The following USP2 variants were observed in gnomAD, a reference collection of about 807,000 sequenced individuals.
The protein encoded by USP2 is ubiquitin carboxyl-terminal hydrolase 2.
In USP2, 33 loss-of-function variants were observed where a neutral mutation model predicts 72.0. That is an observed-to-expected ratio of 0.46 (90% CI 0.35 to 0.61). The LOEUF is 0.61. Among genes scored for constraint, USP2 ranks in the 20% least tolerant of loss-of-function variants. The pLI is 0.01. For synonymous variants in USP2, 296 were observed against 312.5 expected (o/e 0.95, Z 0.56); for missense variants, 691 against 797.8 (o/e 0.87, Z 1.61).
intron 2 of USP2, among the ~76,000 whole-genome samples, chr11:119,364,667 G>A (rs1393659030): frequency 6.6e-6 from 1 of 152,196 alleles, no homozygotes; most frequent in Non-Finnish European, 1.5e-5. Context: ...AGTTCCGGGG[G>A]TACTCAGGCC....
At chr11:119,360,975 A>C (rs1400030598) in intron 2 of USP2, among the ~76,000 whole-genome samples, 1 of 152,228 alleles carries the variant, frequency 6.6e-6, no homozygotes, top group African/African-American at 2.4e-5. Flanking sequence ...AGTAACTCTC[A>C]TAAGAGACAC....
Position 119,372,904 on chromosome 11 carries a change from C to T in USP2, c.577G>A (p.Glu193Lys). ...TTCTCCAGGTAGTCGACCAGGTATT[C>T]AGGGCAGCTGGCTGTCTGGTAGAGC... Reference protein sequence around the residue: ...QGLYQTASCPEYLVDYLENYG... With the variant: ...QGLYQTASCPKYLVDYLENYG... Residue 193 changes from glutamate to lysine, a missense_variant, in exon 2 of 13, where the codon GAA becomes AAA. Physicochemically the swap from Glu to Lys is moderately conservative, Grantham distance 56. Transcript: ENST00000260187. 4.3e-6 allele frequency: 7 copies of T among 1,611,496 alleles called. No individual in the cohort carries two copies. Among genetic ancestry groups the T allele is most frequent in the Non-Finnish European group, 5.1e-6 (6 of 1,179,114 alleles).
intron 2 of USP2, among the ~76,000 whole-genome samples, chr11:119,361,087 G>T (rs1166545260): frequency 2.0e-5 from 3 of 152,186 alleles, no homozygotes; most frequent in African/African-American, 7.2e-5. Flanking sequence ...GCCAGAGACA[G>T]GTGGAATTCC....
chr11:119,363,757 C>T, intron 2 of USP2: 1 of 1,015,936 alleles, frequency 9.8e-7, no homozygotes, highest in Non-Finnish European at 1.3e-6. Flanking sequence ...AGAATCCGTC[C>T]CCTCACCTAG....
intron 1 of USP2, among the ~76,000 whole-genome samples, chr11:119,374,359 C>T (rs1950973669): frequency 6.6e-6 from 1 of 152,200 alleles, no homozygotes; most frequent in African/African-American, 2.4e-5. Context: ...CCAAATCTTG[C>T]ACTGCAGGTG....
intron 5 of USP2, 44 bp downstream of exon 5, chr11:119,359,187 C>T (rs1316519606): frequency 1.9e-6 from 3 of 1,612,400 alleles, no homozygotes; most frequent in East Asian, 2.2e-5. Context: ...AGAACCTGCT[C>T]CTACTGCCAC....
At chr11:119,374,685 A>G (rs1030931859) in intron 1 of USP2, among the ~76,000 whole-genome samples, 1 of 152,044 alleles carries the variant, frequency 6.6e-6, no homozygotes, top group Non-Finnish European at 1.5e-5. Flanking sequence ...CCTGTATCCA[A>G]TGGAGCTGGA....
intron 2 of USP2, among the ~76,000 whole-genome samples, chr11:119,370,147 C>A (rs1343529911): frequency 3.3e-5 from 5 of 152,120 alleles, no homozygotes; most frequent in Non-Finnish European, 7.4e-5. Context: ...TGCACTCCAA[C>A]CTGAGTGAGA....
chr11:119,377,769 A>T (rs748829302), intron 1 of USP2, among the ~76,000 whole-genome samples: 3 of 151,966 alleles, frequency 2.0e-5, no homozygotes, highest in Non-Finnish European at 4.4e-5. Context: ...AGCCACTGTC[A>T]TTTCCTGTTG....
At chr11:119,379,959 G>T (rs1423784485) in intron 1 of USP2, among the ~76,000 whole-genome samples, 1 of 118,916 alleles carries the variant, frequency 8.4e-6, no homozygotes, top group East Asian at 2.7e-4. Context: ...CCGTCGCCCA[G>T]GCTGCAGTGC....
At chr11:119,360,265 G>A (rs767488731) in intron 2 of USP2, 31 bp from the exon 3 acceptor site, 4 of 1,612,476 alleles carry the variant, frequency 2.5e-6, no homozygotes, top group Admixed American at 3.3e-5. Context: ...GCAATAAGGT[G>A]GAAGCAAAGA....
At chr11:119,366,345 C>G (rs1950852646) in intron 2 of USP2, among the ~76,000 whole-genome samples, 1 of 152,212 alleles carries the variant, frequency 6.6e-6, no homozygotes, top group Non-Finnish European at 1.5e-5. Context: ...ACTTCCTGCT[C>G]TCTGCCAATT....
intron 2 of USP2, 95 bp downstream of exon 2, chr11:119,372,612 T>C: frequency 8.2e-7 from 1 of 1,223,210 alleles, no homozygotes; most frequent in Non-Finnish European, 1.1e-6. Context: ...AGCCTGTCAG[T>C]CATCAGTCAG....
At chr11:119,368,230 T>C (rs1950880957) in intron 2 of USP2, among the ~76,000 whole-genome samples, 2 of 152,222 alleles carry the variant, frequency 1.3e-5, no homozygotes, top group Admixed American at 1.3e-4. Context: ...CACAGATTCA[T>C]GACCTCAGGA....
chr11:119,361,357 G>A (rs1950762256), intron 2 of USP2, among the ~76,000 whole-genome samples: 1 of 152,138 alleles, frequency 6.6e-6, no homozygotes, highest in African/African-American at 2.4e-5. Flanking sequence ...GCTAATCCTG[G>A]GCATATCTCC....
intron 1 of USP2, chr11:119,379,155 T>C (rs1951033567): frequency 2.0e-6 from 2 of 985,362 alleles, no homozygotes; most frequent in South Asian, 4.7e-5. Flanking sequence ...TAGTATCTTA[T>C]CTGACCTCGC....
At chr11:119,369,464 A>C (rs1304993186) in intron 2 of USP2, among the ~76,000 whole-genome samples, 1 of 152,160 alleles carries the variant, frequency 6.6e-6, no homozygotes, top group Admixed American at 6.5e-5. Context: ...CCAGTCAGCT[A>C]TCCTGAGAAT....
At chr11:119,360,105 A>G (rs1950739201) in intron 3 of USP2, 79 bp downstream of exon 3, 10 of 1,550,274 alleles carry the variant, frequency 6.5e-6, no homozygotes, top group Non-Finnish European at 8.8e-6. Flanking sequence ...CCACAACCAG[A>G]AGGGGACTCT....
intron 2 of USP2, among the ~76,000 whole-genome samples, chr11:119,364,581 C>T (rs1317925427): frequency 1.3e-5 from 2 of 152,200 alleles, no homozygotes; most frequent in South Asian, 4.1e-4. Context: ...GAGGGGGCTG[C>T]AAACCATTTT....
Sources: gnomAD v4.1 joint callset for allele counts (sites outside exome capture counted in the v4.1 genomes callset) on GRCh38, gnomAD v4.1.1 for gene constraint, MANE v1.5 for transcripts, NCBI Gene and HGNC (gene_info 2026-07-23, HGNC 2026-07-21) for gene names.